The following CYP7B1 variants were observed in gnomAD, a reference collection of about 807,000 sequenced individuals.
CYP7B1 encodes cytochrome P450 family 7 subfamily B member 1.
In CYP7B1, 29 loss-of-function variants were observed where a neutral mutation model predicts 42.7. That is an observed-to-expected ratio of 0.68 (90% CI 0.51 to 0.93). CYP7B1 has a LOEUF of 0.93. Among genes scored for constraint, CYP7B1 ranks in the 40% least tolerant of loss-of-function variants. The pLI is 0.00. For synonymous variants in CYP7B1, 235 were observed against 218.2 expected, an observed-to-expected ratio of 1.08 and a Z score of -0.68; for missense variants, 655 against 600.5, an observed-to-expected ratio of 1.09 and a Z score of -0.95.
chr8:64,717,261 T>G (rs76302248), intron 1 of CYP7B1, among the ~76,000 whole-genome samples: 2 of 152,206 alleles, frequency 1.3e-5, no homozygotes, highest in African/African-American at 4.8e-5. Flanking sequence ...TTCTATTTTT[T>G]AACTGCAGAG....
At chr8:64,672,345 C>T (rs1381941336) in intron 1 of CYP7B1, among the ~76,000 whole-genome samples, 1 of 152,046 alleles carries the variant, frequency 6.6e-6, no homozygotes, top group African/African-American at 2.4e-5. Flanking sequence ...TTATCTGACT[C>T]ATTTGAAAGC....
intron 1 of CYP7B1, among the ~76,000 whole-genome samples, chr8:64,650,074 T>C (rs564515143): frequency 2.7e-4 from 41 of 152,296 alleles, no homozygotes; most frequent in African/African-American, 8.9e-4. Flanking sequence ...TAGTTGTCTG[T>C]TTTTTTATTT....
chr8:64,604,863 G>A lies in CYP7B1; in HGVS notation c.1058-6C>T, dbSNP rs766613642. 12 of 1,612,950 alleles carry A rather than the reference G, an allele frequency of 7.4e-6. No homozygotes were observed. In the Admixed American group the frequency reaches 1.7e-4, roughly 22 times the overall value. The stretch of plus-strand genomic sequence containing the variant: ...AGCTTCAAAAATGCTGCTTTCTGAA[G>A]GAAAAAAACAAACGATAGCTTATTA... On this transcript the variant is annotated splice_polypyrimidine_tract_variant and splice_region_variant and intron_variant, in intron 4 of 5. Transcript: ENST00000310193.
intron 1 of CYP7B1, chr8:64,733,068 G>A (rs1290373138): frequency 6.4e-6 from 1 of 155,484 alleles, no homozygotes; most frequent in East Asian, 1.9e-4. Flanking sequence ...TTGTATAAGA[G>A]TCATATTTTT....
chr8:64,627,036 A>G (rs535869392), intron 1 of CYP7B1, among the ~76,000 whole-genome samples: 13 of 152,332 alleles, frequency 8.5e-5, no homozygotes, highest in Non-Finnish European at 1.6e-4. Flanking sequence ...GTCAAAATAA[A>G]TCCAAGTTAT....
chr8:64,613,153 C>T lies in CYP7B1; in HGVS notation c.1057+1873G>A, dbSNP rs185691672. 1.0e-3 allele frequency among the ~76,000 whole-genome samples: 152 copies of T among 152,234 alleles called. 2 individuals are homozygous for T. Among genetic ancestry groups the T allele is most frequent in the African/African-American group, 3.6e-3 (148 of 41,550 alleles). ...GGCTGCTGAAGGTACTGCCTTTATC[C>T]AGGTGGATCTAAACTTGCTTGGGAT... On this transcript the variant is annotated intron_variant, in intron 4 of 5. Transcript: ENST00000310193.
intron 1 of CYP7B1, among the ~76,000 whole-genome samples, chr8:64,765,709 A>C (rs1416973977): frequency 6.6e-6 from 1 of 152,172 alleles, no homozygotes; most frequent in Non-Finnish European, 1.5e-5. Context: ...CTCTTGGACT[A>C]ATGCTCGTCA....
intron 4 of CYP7B1, among the ~76,000 whole-genome samples, chr8:64,611,117 C>T (rs1025786870): frequency 2.0e-5 from 3 of 152,072 alleles, no homozygotes; most frequent in African/African-American, 7.2e-5. Flanking sequence ...TCATGCCTGG[C>T]TTTGTAGAAC....
At chr8:64,731,821 C>T (rs1019128500) in intron 1 of CYP7B1, among the ~76,000 whole-genome samples, 1 of 152,184 alleles carries the variant, frequency 6.6e-6, no homozygotes, top group Admixed American at 6.5e-5. Flanking sequence ...GCTCCAGCTG[C>T]TAAAAGGAGC....
intron 1 of CYP7B1, among the ~76,000 whole-genome samples, chr8:64,645,260 C>T (rs77302981): frequency 2.6e-5 from 4 of 151,490 alleles, no homozygotes; most frequent in Non-Finnish European, 1.5e-5. Context: ...ATTTATAGTC[C>T]TTTGGGTATA....
At chr8:64,603,109 T>C (rs1805227007) in intron 5 of CYP7B1, among the ~76,000 whole-genome samples, 1 of 152,258 alleles carries the variant, frequency 6.6e-6, no homozygotes, top group East Asian at 1.9e-4. Context: ...CTAATGATGC[T>C]AAATCAGTAT....
At chr8:64,672,697 C>T (rs907571681) in intron 1 of CYP7B1, among the ~76,000 whole-genome samples, 2 of 152,168 alleles carry the variant, frequency 1.3e-5, no homozygotes, top group African/African-American at 4.8e-5. Flanking sequence ...GGCCAAGTAA[C>T]CACTTCAGAT....
chr8:64,703,078 C>A (rs2129632492), intron 1 of CYP7B1, among the ~76,000 whole-genome samples: 1 of 151,972 alleles, frequency 6.6e-6, no homozygotes. Flanking sequence ...TTATGAGTGA[C>A]AAACCCTGTC....
In CYP7B1 at chr8:64,618,570, T is replaced by TTC. The variant is rs10530120; in HGVS notation, c.260-2291_260-2290dup. Among the ~76,000 whole-genome samples the TTC allele has an allele frequency of 6.8e-3, 990 of 146,342 alleles. 22 individuals carry two copies. Among genetic ancestry groups the TTC allele is most frequent in the East Asian group, 0.019 (94 of 4,984 alleles). Reference sequence around the variant, plus strand: ...ATCATTACAAATACACACATTCATTTTCTCTCTCTCTCTCTCTCTTTCTCT... The same window carrying TTC: ...ATCATTACAAATACACACATTCATTTTCTCTCTCTCTCTCTCTCTCTTTCTCT... On this transcript the variant is annotated intron_variant, in intron 2 of 5. Transcript: ENST00000310193.
chr8:64,769,208 T>G (rs1804170974), intron 1 of CYP7B1, among the ~76,000 whole-genome samples: 1 of 152,204 alleles, frequency 6.6e-6, no homozygotes, highest in Non-Finnish European at 1.5e-5. Context: ...TTTAATCTCA[T>G]AATAAGATCT....
At chr8:64,655,998 G>T (rs1806114905) in intron 1 of CYP7B1, among the ~76,000 whole-genome samples, 1 of 152,064 alleles carries the variant, frequency 6.6e-6, no homozygotes, top group Admixed American at 6.6e-5. Context: ...AACAGACACT[G>T]GGGTCTACTT....
chr8:64,598,909 G>A (rs991826612), intron 5 of CYP7B1, among the ~76,000 whole-genome samples: 1 of 152,142 alleles, frequency 6.6e-6, no homozygotes, highest in Non-Finnish European at 1.5e-5. Flanking sequence ...AAGTTCAAAG[G>A]GTGCAGGAGC....
intron 1 of CYP7B1, among the ~76,000 whole-genome samples, chr8:64,696,671 A>G (rs1806833155): frequency 6.6e-6 from 1 of 152,168 alleles, no homozygotes; most frequent in Non-Finnish European, 1.5e-5. Context: ...GTGACTGTAA[A>G]GTATTTAGCC....
chr8:64,730,735 G>A (rs1374206798), intron 1 of CYP7B1, among the ~76,000 whole-genome samples: 1 of 140,188 alleles, frequency 7.1e-6, no homozygotes, highest in Non-Finnish European at 1.5e-5. Context: ...GGAACCCTGT[G>A]AAGCAAGGAC....
Sources: allele counts gnomAD v4.1 joint callset (sites outside exome capture counted in the v4.1 genomes callset), GRCh38; gene constraint gnomAD v4.1.1; transcripts MANE v1.5; gene names NCBI Gene and HGNC (gene_info 2026-07-23, HGNC 2026-07-21).